The following BMS1 variants were observed in gnomAD, a reference collection of about 807,000 sequenced individuals.
The protein encoded by BMS1 is BMS1 ribosome biogenesis factor.
Under a neutral mutation model 138.7 loss-of-function variants are expected in BMS1, and 53 were observed. The observed-to-expected ratio is 0.38, with a 90% CI of 0.31 to 0.48. The LOEUF is 0.48. BMS1 is among the 20% of genes least tolerant of loss of function. The probability of loss-of-function intolerance (pLI) is 0.97; values close to 1 mark genes in which losing one functional copy is unlikely to be tolerated. For missense variants in BMS1, 1,360 were observed against 1,565.5 expected (o/e 0.87, Z 2.22); for synonymous variants, 504 against 539.9 (o/e 0.93, Z 0.92).
rs1373094454 is a variant in BMS1, at chr10:42,796,621, C to T, written c.1377C>T (p.Gly459=). Residue 459 remains glycine (G), a synonymous_variant, in exon 10 of 23, where the codon GGC becomes GGT. Coordinates refer to ENST00000374518, the MANE Select transcript of BMS1 (RefSeq NM_014753.4). ...CTGAAGATGACGGGTTGGAAAACGG[C>T]TCTAGTGATGAGGAAGCAGAAGAGG... is the stretch of plus-strand genomic sequence containing the variant. ...EMSEDDGLEN[G]SSDEEAEEEE... The T allele has an allele frequency of 2.5e-6, 4 of 1,613,970 alleles. No homozygotes were observed. In the African/African-American group the frequency reaches 5.3e-5, roughly 22 times the overall value.
chr10:42,797,225 A>T lies in BMS1; in HGVS notation c.1981A>T (p.Thr661Ser). 1.2e-6 allele frequency: 2 copies of T among 1,602,236 alleles called. No homozygotes were observed. Among genetic ancestry groups the T allele is most frequent in the Non-Finnish European group, 1.7e-6 (2 of 1,174,810 alleles). ...YKEENNDSKE[T>S]SGALKWKEDL... ...GGAAGAAAATAATGATTCCAAAGAA[A>T]CGTCAGGTAAGCTTAAATGTAGTTG... is the stretch of plus-strand genomic sequence containing the variant. Residue 661 changes from threonine to serine, a missense_variant, in exon 10 of 23, where the codon ACG (threonine) becomes TCG (serine). This residue lies in a region of BMS1 where 697 missense variants were observed against 686.2 expected (regional missense o/e 1.02). Transcript: ENST00000374518.
chr10:42,820,754 C>T, intron 17 of BMS1, 66 bp downstream of exon 17: 1 of 1,551,248 alleles, frequency 6.4e-7, no homozygotes, highest in Non-Finnish European at 8.8e-7. Flanking sequence ...GTTATTATAG[C>T]TTTGTGCTTT....
intron 11 of BMS1, among the ~76,000 whole-genome samples, chr10:42,797,955 T>A (rs1477634488): frequency 6.6e-6 from 1 of 152,218 alleles, no homozygotes; most frequent in Non-Finnish European, 1.5e-5. Flanking sequence ...TCTGGTAGAA[T>A]TAATGCAAAA....
intron 13 of BMS1, among the ~76,000 whole-genome samples, chr10:42,815,063 CCTGT>C (rs1230391470): frequency 6.6e-6 from 1 of 152,250 alleles, no homozygotes; most frequent in East Asian, 1.9e-4. Flanking sequence ...TTGATCATCT[CCTGT>C]CTATTATTTC....
chr10:42,801,904 G>A (rs1284374969), intron 12 of BMS1, among the ~76,000 whole-genome samples: 1 of 152,102 alleles, frequency 6.6e-6, no homozygotes, highest in East Asian at 1.9e-4. Context: ...TACTTATGAG[G>A]TCAGTAGAGT....
At chr10:42,798,759 T>G (rs907207287) in intron 12 of BMS1, 134 bp downstream of exon 12, 2 of 1,258,642 alleles carry the variant, frequency 1.6e-6, no homozygotes, top group African/African-American at 3.0e-5. Context: ...CTCCCAGATA[T>G]TGTAGTGGGC....
chr10:42,796,237 G>A (rs1454445976), intron 9 of BMS1, among the ~76,000 whole-genome samples: 1 of 152,016 alleles, frequency 6.6e-6, no homozygotes, highest in Non-Finnish European at 1.5e-5. Flanking sequence ...GTTTTTTAAG[G>A]GTTATTCCTT....
chr10:42,805,344 G>A (rs1203562540), intron 13 of BMS1, among the ~76,000 whole-genome samples: 1 of 152,012 alleles, frequency 6.6e-6, no homozygotes, highest in Non-Finnish European at 1.5e-5. Context: ...GTTTATTTTT[G>A]TACCAATACC....
rs1288283502 is a variant in BMS1 at position 42,797,149 on chromosome 10, T to C, written c.1905T>C (p.Ile635=). ...AGAAACTGGGGCCACAGAACTTCAT[T>C]GATGAGACCAGTGATATAGAAAATT... is the stretch of plus-strand genomic sequence containing the variant. ...SGQKLGPQNF[I]DETSDIENLL... The change falls in exon 10 of 23, where the codon ATT becomes ATC. Residue 635 remains isoleucine, a synonymous_variant. Transcript: ENST00000374518. The C allele has an allele frequency of 1.2e-6, 2 of 1,614,160 alleles. No individual in the cohort carries two copies. The highest frequency in any genetic ancestry group is 3.3e-5 in the Admixed American group (2 of 60,014).
rs1564424065 is a variant in BMS1 at position 42,811,832 on chromosome 10, T to C, written c.2330-4767T>C. Among the ~76,000 whole-genome samples, 3 of 152,172 alleles carry C rather than the reference T, an allele frequency of 2.0e-5. No homozygotes were observed. The East Asian group carries it at 5.8e-4, about 29-fold the overall frequency. On this transcript the variant is annotated intron_variant, in intron 13 of 22. Coordinates refer to ENST00000374518, the MANE Select transcript of BMS1 (RefSeq NM_014753.4). Reference sequence around the variant, plus strand: ...AGCCACCGCGCCCGGCCTCACGTGTTGTATTTTCATTCATATTTCCTTTGG... The same window carrying C: ...AGCCACCGCGCCCGGCCTCACGTGTCGTATTTTCATTCATATTTCCTTTGG...
intron 13 of BMS1, among the ~76,000 whole-genome samples, chr10:42,814,264 T>G (rs565446968): frequency 1.2e-4 from 18 of 152,334 alleles, no homozygotes; most frequent in South Asian, 1.0e-3. Context: ...TCCGTGCAGC[T>G]CTGTTCATTT....
rs1825441336 is a variant in BMS1, at chr10:42,797,063, TC to T, written c.1820del (p.Ser607Ter). ...CTCACTCAGTGCAGAGGAAGAAGAC[TC>T]AGAAAATGAAGAGGCTATTAGAAAA... is the stretch of plus-strand genomic sequence containing the variant. ...SSSLSAEEED[S>X]ENEEAIRKKL... On this transcript the variant is annotated frameshift_variant, in exon 10 of 23. Transcript: ENST00000374518. LOFTEE classifies it high-confidence loss of function. 1 of 1,614,090 alleles carries T rather than the reference TC, an allele frequency of 6.2e-7. No individual in the cohort carries two copies.
intron 3 of BMS1, among the ~76,000 whole-genome samples, chr10:42,785,908 GATACTCGAACCCAGCACTCGGGCTGGAAA>G (rs1312474969): frequency 1.3e-5 from 2 of 152,148 alleles, no homozygotes; most frequent in African/African-American, 4.8e-5. Flanking sequence ...AAGGCAGGAA[GATACTCGAACCCAGCACTCGGGCTGGAAA>G]ATCAAGCTTT....
At chr10:42,786,453 T>C (rs1408194705) in intron 3 of BMS1, among the ~76,000 whole-genome samples, 1 of 152,214 alleles carries the variant, frequency 6.6e-6, no homozygotes, top group African/African-American at 2.4e-5. Flanking sequence ...AGAGTCTTAC[T>C]CTGTGGTACA....
intron 2 of BMS1, 129 bp from the exon 3 acceptor site, chr10:42,785,353 C>A: frequency 1.5e-6 from 1 of 685,102 alleles, no homozygotes; most frequent in Non-Finnish European, 2.3e-6. Flanking sequence ...GTTGTACTCT[C>A]TATAAAATGT....
Position 42,813,261 on chromosome 10 carries a change from G to T in BMS1, c.2330-3338G>T, listed in dbSNP as rs541624513. On this transcript the variant is annotated intron_variant, in intron 13 of 22. Coordinates refer to ENST00000374518, the MANE Select transcript of BMS1 (RefSeq NM_014753.4). ...TAGGCTCTCCATCCATCCGTCTTTT[G>T]GTTTATTTAGACCATTTACATTTAA... 8.5e-4 allele frequency among the ~76,000 whole-genome samples: 129 copies of T among 152,172 alleles called. 3 individuals carry two copies. In the South Asian group the frequency reaches 0.026, roughly 30 times the overall value.
At chr10:42,812,157 C>T (rs1842203419) in intron 13 of BMS1, among the ~76,000 whole-genome samples, 1 of 152,166 alleles carries the variant, frequency 6.6e-6, no homozygotes, top group African/African-American at 2.4e-5. Context: ...TAAATCCTTG[C>T]TCCTTTTCTG....
At chr10:42,821,237 C>G (rs1842494956) in intron 18 of BMS1, among the ~76,000 whole-genome samples, 1 of 152,076 alleles carries the variant, frequency 6.6e-6, no homozygotes, top group Admixed American at 6.5e-5. Context: ...TTTATCTAAG[C>G]AAGTACTTAA....
chr10:42,828,615 T>G (rs186644134), intron 21 of BMS1, among the ~76,000 whole-genome samples: 11 of 147,492 alleles, frequency 7.5e-5, no homozygotes, highest in Admixed American at 7.3e-4. Context: ...CCTCTTCAGT[T>G]TTTTTTTTTT....
Sources: gnomAD v4.1 joint callset for allele counts (sites outside exome capture counted in the v4.1 genomes callset) on GRCh38, gnomAD v4.1.1 for gene constraint, gnomAD v4.1.1 regional missense constraint, MANE v1.5 for transcripts, NCBI Gene and HGNC (gene_info 2026-07-23, HGNC 2026-07-21) for gene names.